The following PORCN variants were observed in gnomAD, a reference collection of about 807,000 sequenced individuals.
PORCN encodes the protein protein-serine O-palmitoleoyltransferase porcupine.
A neutral mutation model predicts 43.0 loss-of-function variants in PORCN; 1 was observed. The ratio of observed to expected loss-of-function variants is 0.02; its 90% CI spans 0.01 to 0.11. The LOEUF is 0.11. Ranked by LOEUF, PORCN falls within the 10% of genes least tolerant of loss-of-function variation. The pLI is 1.00. For missense variants in PORCN, 240 were observed against 392.1 expected, an observed-to-expected ratio of 0.61 and a Z score of 3.28; for synonymous variants, 148 against 166.4, an observed-to-expected ratio of 0.89 and a Z score of 0.85.
In PORCN at chrX:48,512,601, C is replaced by T; in HGVS notation, c.568C>T (p.Leu190=). The change falls in exon 6 of 15, where the codon CTG becomes TTG. Residue 190 remains leucine, a synonymous_variant. Transcript: ENST00000326194. ...TTGATCCCTACAGAGCTGCCGGTGG[C>T]TGCAGAAGGTGGCCCGGAGCCTGGC... The part of the protein sequence containing the change: ...VQGRPLSCRW[L]QKVARSLALA... The T allele has an allele frequency of 8.3e-7, 1 of 1,211,154 alleles. No homozygotes were observed. The highest frequency in any genetic ancestry group is 1.1e-6 in the Non-Finnish European group (1 of 895,170).
At position 48,509,004 on chromosome X, in the gene PORCN, TG is replaced by T. The variant is rs1556973227; in HGVS notation, c.-135del. 1 of 112,977 alleles carries T rather than the reference TG, an allele frequency of 8.9e-6. No individual in the cohort carries two copies. Among genetic ancestry groups the T allele is most frequent in the East Asian group, 2.8e-4 (1 of 3,544 alleles). 9.3% of individuals were successfully genotyped at this position (112,977 alleles called of 1,213,427 possible). A position where few individuals can be genotyped will look rare whatever the true frequency, so the allele number is the denominator to read the frequency against. On this transcript the variant is annotated 5_prime_UTR_variant, in exon 1 of 15. Transcript: ENST00000326194. ...GCCGCGCCGCTCTGGGAGCCGCTGC[TG>T]GTCCCGGCCTTGCGGCCTGCGGGGG...
intron 7 of PORCN, among the ~76,000 whole-genome samples, chrX:48,513,808 C>T (rs1008581183): frequency 8.9e-6 from 1 of 112,041 alleles, no homozygotes; most frequent in East Asian, 2.8e-4. Context: ...CATTGCAAGG[C>T]TGGGAGTCTG....
chrX:48,512,944 G>A (rs1204813911), intron 7 of PORCN, 92 bp downstream of exon 7: 2 of 1,077,276 alleles, frequency 1.9e-6, no homozygotes, highest in East Asian at 3.0e-5. Context: ...GTCCAAGTGT[G>A]TCTGACCGTC....
intron 10 of PORCN, chrX:48,515,515 C>CA: frequency 2.2e-6 from 1 of 463,765 alleles, no homozygotes; most frequent in Non-Finnish European, 3.8e-6. Context: ...GTGGAGTTGA[C>CA]ATTGACTGAA....
intron 10 of PORCN, chrX:48,515,475 C>A: frequency 2.3e-6 from 1 of 437,570 alleles, no homozygotes. Flanking sequence ...AAGGGTAATT[C>A]CCAGGTTTTT....
chrX:48,517,344 C>A, intron 14 of PORCN, 51 bp downstream of exon 14: 1 of 892,311 alleles, frequency 1.1e-6, no homozygotes, highest in South Asian at 2.1e-5. Context: ...CGCTATCTGG[C>A]GGGGGGAAAC....
At position 48,512,737 on chromosome X, in the gene PORCN, G is replaced by T. The variant is rs1556974247; in HGVS notation, c.686+18G>T. 8.2e-7 allele frequency: 1 copy of T among 1,212,494 alleles called. No homozygotes were observed. The highest frequency in any genetic ancestry group is 3.0e-5 in the East Asian group (1 of 33,863). ...CTTCGCAAGTGAGCACAGCCTTCGA[G>T]GCCCCTGCCCAGCAATGAGGGGGTT... On this transcript the variant is annotated intron_variant, in intron 6 of 14. Transcript: ENST00000326194.
Position 48,515,615 on chromosome X carries a change from G to A in PORCN, c.947-102G>A, listed in dbSNP as rs2061709969. On this transcript the variant is annotated intron_variant, in intron 10 of 14. Coordinates refer to ENST00000326194, the MANE Select transcript of PORCN (RefSeq NM_203475.3). ...GAGGCCATCTAAGGACTTTATCCTGGGGGCTCCAACAGGTTGTGGGTATTC... is the reference window on the plus strand; with the variant it reads ...GAGGCCATCTAAGGACTTTATCCTGAGGGCTCCAACAGGTTGTGGGTATTC... 45 of 662,196 alleles carry A rather than the reference G, an allele frequency of 6.8e-5. No homozygotes were observed. The South Asian group carries it at 7.3e-4, about 11-fold the overall frequency. 54.6% of individuals were successfully genotyped at this position (662,196 alleles called of 1,213,427 possible).
At chrX:48,510,676 A>G (rs929106009) in intron 2 of PORCN, among the ~76,000 whole-genome samples, 22 of 112,337 alleles carry the variant, frequency 2.0e-4, no homozygotes, top group African/African-American at 6.8e-4. Context: ...AAAATAGTAC[A>G]GTGAGCACCC....
intron 14 of PORCN, among the ~76,000 whole-genome samples, chrX:48,517,933 G>C (rs1339060359): frequency 2.5e-5 from 2 of 80,378 alleles, no homozygotes; most frequent in Admixed American, 2.8e-4. Context: ...TTTTTTTTTT[G>C]AGACAAGGTC....
chrX:48,518,529 A>G (rs2061736379), intron 14 of PORCN, among the ~76,000 whole-genome samples: 2 of 111,734 alleles, frequency 1.8e-5, no homozygotes, highest in South Asian at 7.3e-4. Context: ...CCAAAAAAAT[A>G]TATATTTTAT....
chrX:48,514,066 G>A (rs187909856), intron 7 of PORCN, 61 bp from the exon 8 acceptor site: 1 of 1,178,729 alleles, frequency 8.5e-7, no homozygotes, highest in Admixed American at 2.2e-5. Context: ...CCAGCCTCCA[G>A]GGCCTCTCTG....
At chrX:48,513,171 T>C (rs2147126125) in intron 7 of PORCN, among the ~76,000 whole-genome samples, 1 of 112,754 alleles carries the variant, frequency 8.9e-6, no homozygotes, top group East Asian at 2.8e-4. Context: ...TCTAGGGATA[T>C]GTATGATGTA....
intron 1 of PORCN, chrX:48,509,342 C>G: frequency 3.5e-6 from 1 of 282,473 alleles, no homozygotes; most frequent in Non-Finnish European, 6.1e-6. Context: ...CACCCCCCCT[C>G]CCCGTGCCGC....
chrX:48,509,604 T>G (rs1483316685), intron 1 of PORCN, 180 bp from the exon 2 acceptor site: 1 of 1,129,480 alleles, frequency 8.9e-7, no homozygotes, highest in Non-Finnish European at 1.2e-6. Context: ...AACACCCACA[T>G]GCACACAGTT....
chrX:48,512,749 G>A, intron 6 of PORCN, 30 bp downstream of exon 6: 1 of 1,212,385 alleles, frequency 8.2e-7, no homozygotes, highest in African/African-American at 1.7e-5. Context: ...CCCCTGCCCA[G>A]CAATGAGGGG....
At chrX:48,511,607 G>A in intron 3 of PORCN, 120 bp downstream of exon 3, 1 of 681,376 alleles carries the variant, frequency 1.5e-6, no homozygotes. Context: ...AAAGAAGGGA[G>A]TCTGGGAGAA....
At chrX:48,519,808 C>T (rs781959910) in intron 14 of PORCN, among the ~76,000 whole-genome samples, 1 of 112,028 alleles carries the variant, frequency 8.9e-6, no homozygotes, top group South Asian at 3.7e-4. Context: ...CCAGCCTGAC[C>T]AACATGGTGA....
At chrX:48,518,363 G>A (rs1257105899) in intron 14 of PORCN, among the ~76,000 whole-genome samples, 8 of 110,495 alleles carry the variant, frequency 7.2e-5, no homozygotes, top group African/African-American at 2.6e-4. Flanking sequence ...TGGGATTACA[G>A]GCACGCACCA....
Sources: gnomAD v4.1 joint callset for allele counts (sites outside exome capture counted in the v4.1 genomes callset) on GRCh38, gnomAD v4.1.1 for gene constraint, MANE v1.5 for transcripts, NCBI Gene and HGNC (gene_info 2026-07-23, HGNC 2026-07-21) for gene names.